SGCZ: variants seen among roughly 807,000 people sequenced by gnomAD.
The protein encoded by SGCZ is zeta-sarcoglycan.
A neutral mutation model predicts 41.3 loss-of-function variants in SGCZ; 40 were observed. That is an observed-to-expected ratio of 0.97 (90% CI 0.75 to 1.26). SGCZ has a LOEUF of 1.26. SGCZ is among the 50% of genes most tolerant of loss of function. The pLI is 0.00. For missense variants in SGCZ, 552 were observed against 369.8 expected (o/e 1.49, Z -4.04); for synonymous variants, 206 against 137.5 (o/e 1.50, Z -3.49).
chr8:14,693,925 C>T (rs1206702307), intron 1 of SGCZ, among the ~76,000 whole-genome samples: 1 of 152,040 alleles, frequency 6.6e-6, no homozygotes, highest in Non-Finnish European at 1.5e-5. Flanking sequence ...TAATTTTCAG[C>T]CACACTGTAC....
At chr8:14,940,398 G>T (rs1254170579) in intron 1 of SGCZ, among the ~76,000 whole-genome samples, 1 of 152,032 alleles carries the variant, frequency 6.6e-6, no homozygotes. Flanking sequence ...ACTTATATAA[G>T]TTTATTGATT....
chr8:14,720,142 T>C (rs941156637), intron 1 of SGCZ, among the ~76,000 whole-genome samples: 4 of 151,986 alleles, frequency 2.6e-5, no homozygotes, highest in African/African-American at 9.7e-5. Context: ...TCAGACTATC[T>C]GATCTTGGCC....
chr8:14,982,424 A>G (rs1801696557), intron 1 of SGCZ, among the ~76,000 whole-genome samples: 2 of 152,200 alleles, frequency 1.3e-5, no homozygotes, highest in African/African-American at 4.8e-5. Flanking sequence ...AAAATGAGAT[A>G]ACATATTTCT....
chr8:14,910,014 T>TCTAG (rs1278630672), intron 1 of SGCZ, among the ~76,000 whole-genome samples: 2 of 152,124 alleles, frequency 1.3e-5, no homozygotes, highest in Non-Finnish European at 2.9e-5. Flanking sequence ...TTGGCCTCTA[T>TCTAG]CTAGCCACTT....
intron 1 of SGCZ, among the ~76,000 whole-genome samples, chr8:14,630,335 G>C (rs940189339): frequency 6.6e-6 from 1 of 151,936 alleles, no homozygotes; most frequent in Admixed American, 6.6e-5. Context: ...GAGAGGCTTG[G>C]AGGAGAGAGA....
At position 15,214,511 on chromosome 8, in the gene SGCZ, T is replaced by G. The variant is rs367953047; in HGVS notation, c.39+23074A>C. On this transcript the variant is annotated intron_variant, in intron 1 of 7. Coordinates refer to ENST00000382080, the MANE Select transcript of SGCZ (RefSeq NM_139167.4). ...TATAAATCACTTATATAATATCTAG[T>G]ATACTAGCTAATCAAAGTTAGAGTT... is the stretch of plus-strand genomic sequence containing the variant. Among the ~76,000 whole-genome samples, 9 of 152,142 alleles carry G rather than the reference T, an allele frequency of 5.9e-5. 1 individual carries two copies. Among genetic ancestry groups the G allele is most frequent in the African/African-American group, 1.2e-4 (5 of 41,432 alleles).
intron 1 of SGCZ, among the ~76,000 whole-genome samples, chr8:14,735,576 T>G (rs1017081993): frequency 6.6e-6 from 1 of 152,158 alleles, no homozygotes; most frequent in Non-Finnish European, 1.5e-5. Context: ...GCTTCCCTAC[T>G]TTTGAGGATT....
chr8:14,978,878 A>C (rs568950411), intron 1 of SGCZ, among the ~76,000 whole-genome samples: 1 of 152,238 alleles, frequency 6.6e-6, no homozygotes, highest in Non-Finnish European at 1.5e-5. Flanking sequence ...AGCTCACTGC[A>C]ACCTCTGCCT....
intron 5 of SGCZ, among the ~76,000 whole-genome samples, chr8:14,136,004 A>C (rs1378565635): frequency 1.3e-5 from 2 of 152,240 alleles, no homozygotes; most frequent in African/African-American, 4.8e-5. Context: ...TACCCAAACC[A>C]GACCAAAAAA....
chr8:14,237,657 G>C lies in SGCZ; in HGVS notation c.359C>G (p.Ser120Cys), dbSNP rs867896145. The change falls in exon 4 of 8, where the codon TCT (serine) becomes TGT (cysteine). Residue 120 changes from serine to cysteine, a missense_variant. Physicochemically the swap from Ser to Cys is moderately radical, Grantham distance 112. Transcript: ENST00000382080. Reference sequence around the variant, plus strand: ...TGCATTCACTGTGACATTCCTGTCAGACTGTAAGACCAGCGGACTATCCTG... The same window carrying C: ...TGCATTCACTGTGACATTCCTGTCACACTGTAAGACCAGCGGACTATCCTG... ...SRKDSPLVLQ[S>C]DRNVTVNARN... 1.9e-6 allele frequency: 3 copies of C among 1,613,864 alleles called. No individual in the cohort carries two copies. Among genetic ancestry groups the C allele is most frequent in the South Asian group, 1.1e-5 (1 of 91,056 alleles).
At chr8:14,772,098 A>C (rs2096633687) in intron 1 of SGCZ, among the ~76,000 whole-genome samples, 2 of 152,154 alleles carry the variant, frequency 1.3e-5, no homozygotes, top group Non-Finnish European at 2.9e-5. Flanking sequence ...TATAGTATTC[A>C]ATAAGTTACC....
intron 1 of SGCZ, among the ~76,000 whole-genome samples, chr8:14,853,821 C>T (rs1348213333): frequency 1.3e-5 from 2 of 151,796 alleles, no homozygotes. Flanking sequence ...TCTGTTCTTT[C>T]TTCAGATGAA....
intron 5 of SGCZ, among the ~76,000 whole-genome samples, chr8:14,143,940 A>C (rs1238278148): frequency 6.6e-6 from 1 of 152,142 alleles, no homozygotes; most frequent in Non-Finnish European, 1.5e-5. Context: ...TCCACAGGGG[A>C]AACATTTAAA....
At chr8:14,711,535 G>C (rs2070948449) in intron 1 of SGCZ, among the ~76,000 whole-genome samples, 1 of 145,046 alleles carries the variant, frequency 6.9e-6, no homozygotes, top group Non-Finnish European at 1.5e-5. Context: ...CCAGGAGGCA[G>C]AGGTTGTAGT....
chr8:14,539,542 C>G, intron 2 of SGCZ, among the ~76,000 whole-genome samples: 1 of 151,362 alleles, frequency 6.6e-6, no homozygotes, highest in Admixed American at 6.6e-5. Context: ...TCATTTTTTG[C>G]TTTTTTTTAA....
chr8:14,173,263 T>G (rs1218515915), intron 4 of SGCZ, among the ~76,000 whole-genome samples: 1 of 151,502 alleles, frequency 6.6e-6, no homozygotes, highest in Non-Finnish European at 1.5e-5. Flanking sequence ...AGGAGAAAAA[T>G]CAGCAATAGA....
At chr8:14,686,219 T>C (rs968629551) in intron 1 of SGCZ, among the ~76,000 whole-genome samples, 2 of 152,146 alleles carry the variant, frequency 1.3e-5, no homozygotes, top group African/African-American at 2.4e-5. Flanking sequence ...TAATTTGGAA[T>C]CTTGGCTTCA....
At chr8:14,978,844 G>T (rs1255986867) in intron 1 of SGCZ, among the ~76,000 whole-genome samples, 1 of 152,118 alleles carries the variant, frequency 6.6e-6, no homozygotes, top group Non-Finnish European at 1.5e-5. Context: ...TGTCACCCAG[G>T]CTGGAGTGCA....
chr8:14,746,977 C>A (rs961967559), intron 1 of SGCZ, among the ~76,000 whole-genome samples: 12 of 152,170 alleles, frequency 7.9e-5, no homozygotes, highest in African/African-American at 2.9e-4. Flanking sequence ...ATACCTGATA[C>A]AGTTTATTCT....
Sources: allele counts gnomAD v4.1 joint callset (sites outside exome capture counted in the v4.1 genomes callset), GRCh38; gene constraint gnomAD v4.1.1; transcripts MANE v1.5; gene names NCBI Gene and HGNC (gene_info 2026-07-23, HGNC 2026-07-21).